TSPAN3: variants seen among roughly 807,000 people sequenced by gnomAD.
TSPAN3 encodes tetraspanin 3, also known as tetraspanin-3.
A neutral mutation model predicts 31.1 loss-of-function variants in TSPAN3; 9 were observed. The ratio of observed to expected loss-of-function variants is 0.29; its 90% CI spans 0.17 to 0.50. The LOEUF is 0.50. Among genes scored for constraint, TSPAN3 ranks in the 20% least tolerant of loss-of-function variants. The pLI is 0.98. For missense variants in TSPAN3, 252 were observed against 313.5 expected (o/e 0.80, Z 1.48); for synonymous variants, 129 against 114.3 (o/e 1.13, Z -0.82).
chr15:77,069,445 AAAAAT>A (rs1329690846), intron 1 of TSPAN3, among the ~76,000 whole-genome samples: 6 of 152,298 alleles, frequency 3.9e-5, no homozygotes, highest in Admixed American at 1.3e-4. Context: ...AAGAAACTGA[AAAAAT>A]AAAATAAAAT....
intron 1 of TSPAN3, among the ~76,000 whole-genome samples, chr15:77,065,493 C>T (rs556557333): frequency 5.3e-5 from 8 of 152,200 alleles, no homozygotes; most frequent in South Asian, 2.1e-4. Flanking sequence ...GTGGCTCGAT[C>T]GCCGCTCACT....
Position 77,071,109 on chromosome 15 carries a change from T to G in TSPAN3, c.-155A>C. Reference sequence around the variant, plus strand: ...GTCGCGCAGCCCCGACCCCAGCAAGTGCCTCGCTCCTCCGCGCAGCCGCCG... The same window carrying G: ...GTCGCGCAGCCCCGACCCCAGCAAGGGCCTCGCTCCTCCGCGCAGCCGCCG... On this transcript the variant is annotated 5_prime_UTR_variant, in exon 1 of 7. Transcript: ENST00000267970. 2.5e-6 allele frequency: 1 copy of G among 398,966 alleles called. No homozygotes were observed. The highest frequency in any genetic ancestry group is 9.7e-5 in the South Asian group (1 of 10,298). 24.7% of individuals were successfully genotyped at this position (398,966 alleles called of 1,614,324 possible).
rs560712093 is a variant in TSPAN3, at chr15:77,048,459, T to G, written c.670-1532A>C. Reference sequence around the variant, plus strand: ...AATGAGGTCTGAAATAAGTATTTCTTTCCCAATTTGTTTATTTCAATGAAA... The same window carrying G: ...AATGAGGTCTGAAATAAGTATTTCTGTCCCAATTTGTTTATTTCAATGAAA... On this transcript the variant is annotated intron_variant, in intron 6 of 6. Coordinates refer to ENST00000267970, the MANE Select transcript of TSPAN3 (RefSeq NM_005724.6). Among the ~76,000 whole-genome samples, 16 of 152,254 alleles carry G rather than the reference T, an allele frequency of 1.1e-4. No individual in the cohort carries two copies. The Middle Eastern group carries it at 0.014, about 129-fold the overall frequency.
intron 1 of TSPAN3, among the ~76,000 whole-genome samples, chr15:77,057,828 G>A (rs1186628991): frequency 2.0e-5 from 3 of 152,038 alleles, no homozygotes; most frequent in Non-Finnish European, 4.4e-5. Flanking sequence ...CTCACTACCT[G>A]AGCTATCATC....
chr15:77,064,560 C>T (rs1051590801), intron 1 of TSPAN3: 3 of 151,030 alleles, frequency 2.0e-5, no homozygotes, highest in African/African-American at 7.4e-5. Context: ...AGAGAGAGCG[C>T]CCCTGCTGAT....
intron 3 of TSPAN3, chr15:77,055,417 T>A (rs2076762638): frequency 5.9e-6 from 1 of 169,532 alleles, no homozygotes; most frequent in African/African-American, 2.4e-5. Flanking sequence ...CCAAAGCATT[T>A]TTTAAAGAGA....
intron 1 of TSPAN3, among the ~76,000 whole-genome samples, chr15:77,060,274 T>G (rs972682708): frequency 6.6e-6 from 1 of 152,236 alleles, no homozygotes. Flanking sequence ...GACGATGTGT[T>G]TCCTAAATTG....
chr15:77,046,900 C>G lies in TSPAN3; in HGVS notation c.697G>C (p.Val233Leu). The G allele has an allele frequency of 1.9e-6, 3 of 1,587,748 alleles. No individual in the cohort carries two copies. Among genetic ancestry groups the G allele is most frequent in the African/African-American group, 1.3e-5 (1 of 74,416 alleles). The change falls in exon 7 of 7, where the codon GTG becomes CTG. Residue 233 changes from valine to leucine, a missense_variant. Coordinates refer to ENST00000267970, the MANE Select transcript of TSPAN3 (RefSeq NM_005724.6). ...QLLGMLCACI[V>L]LCRRSRDPAY... ...GGATCTCTACTCCTTCTGCACAACA[C>G]GATGCAAGCACACAGCATGCCCAGC...
rs959467278 is a variant in TSPAN3 at position 77,041,430 on chromosome 15, G to C, written c.*5405C>G. 11 of 147,514 alleles carry C rather than the reference G, an allele frequency of 7.5e-5. No homozygotes were observed. The highest frequency in any genetic ancestry group is 2.8e-4 in the African/African-American group (11 of 39,436). The allele number at this position is 147,514 out of a possible 1,614,324, so 9.1% of individuals were successfully genotyped here. A position where few individuals can be genotyped will look rare whatever the true frequency, so the allele number is the denominator to read the frequency against. ...AGACAGAGTCTTGCTCTGTCACCCA[G>C]GCTGGAGTGCAGTGGCATAATCTCG... On this transcript the variant is annotated 3_prime_UTR_variant, in exon 7 of 7. Coordinates refer to ENST00000267970, the MANE Select transcript of TSPAN3 (RefSeq NM_005724.6).
chr15:77,052,099 G>A (rs779193816), intron 6 of TSPAN3, among the ~76,000 whole-genome samples: 8 of 152,170 alleles, frequency 5.3e-5, no homozygotes, highest in East Asian at 1.9e-4. Flanking sequence ...ACAACAGTTC[G>A]TTTATGTTTT....
chr15:77,065,227 C>G (rs923145663), intron 1 of TSPAN3, among the ~76,000 whole-genome samples: 1 of 152,114 alleles, frequency 6.6e-6, no homozygotes, highest in African/African-American at 2.4e-5. Flanking sequence ...TAACACATCA[C>G]TCTGATCATT....
chr15:77,052,666 A>G, intron 5 of TSPAN3, 111 bp downstream of exon 5: 2 of 1,247,474 alleles, frequency 1.6e-6, no homozygotes, highest in Non-Finnish European at 2.3e-6. Flanking sequence ...GTAAAACAAT[A>G]TATGACATTA....
intron 1 of TSPAN3, among the ~76,000 whole-genome samples, chr15:77,060,330 T>C (rs2076793527): frequency 6.6e-6 from 1 of 152,218 alleles, no homozygotes; most frequent in African/African-American, 2.4e-5. Context: ...TATATGGTGC[T>C]TATATCTTAA....
At chr15:77,062,255 A>T (rs2076805185) in intron 1 of TSPAN3, among the ~76,000 whole-genome samples, 2 of 152,200 alleles carry the variant, frequency 1.3e-5, no homozygotes, top group South Asian at 4.1e-4. Flanking sequence ...TCTTAAAATC[A>T]TCTTAAATCG....
At chr15:77,070,113 T>A (rs573518357) in intron 1 of TSPAN3, 1 of 152,252 alleles carries the variant, frequency 6.6e-6, no homozygotes, top group African/African-American at 2.4e-5. Context: ...AAGTCCCTGA[T>A]GAGATAAGGA....
chr15:77,047,201 G>A (rs2076698830), intron 6 of TSPAN3, among the ~76,000 whole-genome samples: 1 of 152,214 alleles, frequency 6.6e-6, no homozygotes, highest in Non-Finnish European at 1.5e-5. Flanking sequence ...TCTAGCGAGT[G>A]CTGTCCGAAA....
At chr15:77,056,714 C>T (rs1400085194) in intron 1 of TSPAN3, among the ~76,000 whole-genome samples, 1 of 152,118 alleles carries the variant, frequency 6.6e-6, no homozygotes, top group Non-Finnish European at 1.5e-5. Flanking sequence ...ATCTACCCCA[C>T]CTCAAGGAAA....
At chr15:77,047,081 G>C (rs150866621) in intron 6 of TSPAN3, among the ~76,000 whole-genome samples, 154 bp from the exon 7 acceptor site, 1 of 152,318 alleles carries the variant, frequency 6.6e-6, no homozygotes, top group Non-Finnish European at 1.5e-5. Flanking sequence ...TTTCTTATGA[G>C]TACATTATTT....
chr15:77,061,664 C>G (rs570597639), intron 1 of TSPAN3, among the ~76,000 whole-genome samples: 15 of 152,268 alleles, frequency 9.9e-5, no homozygotes, highest in South Asian at 8.3e-4. Flanking sequence ...GATAAAGTAG[C>G]TCTGTTGCCA....
Sources: gnomAD v4.1 joint callset for allele counts (sites outside exome capture counted in the v4.1 genomes callset) on GRCh38, gnomAD v4.1.1 for gene constraint, MANE v1.5 for transcripts, NCBI Gene and HGNC (gene_info 2026-07-23, HGNC 2026-07-21) for gene names.